The following ZMYM4 variants were observed in gnomAD, a reference collection of about 807,000 sequenced individuals.
The protein encoded by ZMYM4 is zinc finger MYM-type containing 4, also known as zinc finger MYM-type protein 4.
Under a neutral mutation model 183.2 loss-of-function variants are expected in ZMYM4, and 31 were observed. That is an observed-to-expected ratio of 0.17 (90% CI 0.13 to 0.23). The LOEUF is 0.23. Among genes scored for constraint, ZMYM4 ranks in the 10% least tolerant of loss-of-function variants. The pLI is 1.00. For synonymous variants in ZMYM4, 592 were observed against 631.2 expected (o/e 0.94, Z 0.93); for missense variants, 1,273 against 1,840.3 (o/e 0.69, Z 5.64).
intron 1 of ZMYM4, among the ~76,000 whole-genome samples, chr1:35,306,708 G>A (rs1641549122): frequency 6.6e-6 from 1 of 152,114 alleles, no homozygotes; most frequent in African/African-American, 2.4e-5. Flanking sequence ...TTAGTTTTAT[G>A]TCTTGTTTCT....
intron 1 of ZMYM4, among the ~76,000 whole-genome samples, chr1:35,317,355 C>A (rs1642092836): frequency 6.6e-6 from 1 of 150,578 alleles, no homozygotes; most frequent in Non-Finnish European, 1.5e-5. Context: ...ATCCCTTGAA[C>A]CCGGGAGGTG....
intron 23 of ZMYM4, among the ~76,000 whole-genome samples, chr1:35,402,594 G>A (rs1644929177): frequency 6.6e-6 from 1 of 151,968 alleles, no homozygotes; most frequent in African/African-American, 2.4e-5. Flanking sequence ...ACTCTAGTCT[G>A]GGCGACAGAG....
chr1:35,286,017 C>T lies in ZMYM4; in HGVS notation c.39+16932C>T, dbSNP rs138965723. Among the ~76,000 whole-genome samples the T allele has an allele frequency of 1.7e-3, 257 of 152,206 alleles. 2 individuals are homozygous for T. Among genetic ancestry groups the T allele is most frequent in the African/African-American group, 6.0e-3 (250 of 41,530 alleles). Reference sequence around the variant, plus strand: ...GATGCCTTCTTTCACCATGTCTATTCAGTGTAGTATTAGAAGTTCTAGCCA... The same window carrying T: ...GATGCCTTCTTTCACCATGTCTATTTAGTGTAGTATTAGAAGTTCTAGCCA... On this transcript the variant is annotated intron_variant, in intron 1 of 29. Coordinates refer to ENST00000314607, the MANE Select transcript of ZMYM4 (RefSeq NM_005095.3).
At chr1:35,354,902 A>G (rs1203828146) in intron 2 of ZMYM4, among the ~76,000 whole-genome samples, 1 of 152,004 alleles carries the variant, frequency 6.6e-6, no homozygotes, top group South Asian at 2.1e-4. Context: ...TAAGGGCCAG[A>G]TGGTAAATAT....
At position 35,297,906 on chromosome 1, in the gene ZMYM4, C is replaced by G. The variant is rs141854019; in HGVS notation, c.40-27454C>G. On this transcript the variant is annotated intron_variant, in intron 1 of 29. Coordinates refer to ENST00000314607, the MANE Select transcript of ZMYM4 (RefSeq NM_005095.3). ...CCAGTCCTGTATCAGAGGACAGAAA[C>G]CACACAGTAATTTGAATATGGAAAG... 8.5e-5 allele frequency among the ~76,000 whole-genome samples: 13 copies of G among 152,260 alleles called. 2 individuals are homozygous for G. The highest frequency in any genetic ancestry group is 2.6e-4 in the African/African-American group (11 of 41,548).
At chr1:35,394,727 G>A (rs997766960) in intron 18 of ZMYM4, among the ~76,000 whole-genome samples, 4 of 152,134 alleles carry the variant, frequency 2.6e-5, no homozygotes, top group South Asian at 4.1e-4. Context: ...AATTTCCCAA[G>A]AATTTAAATG....
intron 1 of ZMYM4, among the ~76,000 whole-genome samples, chr1:35,311,018 C>T (rs952935056): frequency 1.3e-5 from 2 of 152,110 alleles, no homozygotes; most frequent in Admixed American, 1.3e-4. Context: ...CTTCTATCAC[C>T]CCATTTTTGG....
intron 28 of ZMYM4, among the ~76,000 whole-genome samples, chr1:35,418,231 G>A (rs1640199703): frequency 2.0e-5 from 3 of 152,128 alleles, no homozygotes. Context: ...TAAAATTCAT[G>A]GGATAGGGAC....
intron 1 of ZMYM4, among the ~76,000 whole-genome samples, chr1:35,272,826 A>G (rs946038324): frequency 2.0e-5 from 3 of 152,130 alleles, no homozygotes; most frequent in Non-Finnish European, 4.4e-5. Flanking sequence ...CCTTCGCCTC[A>G]GCCTCCCGAG....
At chr1:35,354,714 G>C (rs544423908) in intron 2 of ZMYM4, among the ~76,000 whole-genome samples, 143 of 109,374 alleles carry the variant, frequency 1.3e-3, no homozygotes, top group African/African-American at 5.6e-3. Flanking sequence ...GCGACAGAGT[G>C]AAACTTTGTC....
At chr1:35,369,308 G>A (rs72897133) in intron 5 of ZMYM4, among the ~76,000 whole-genome samples, 21 of 152,262 alleles carry the variant, frequency 1.4e-4, no homozygotes, top group African/African-American at 5.1e-4. Context: ...CAGTTATATG[G>A]TGGTTACTCA....
intron 7 of ZMYM4, among the ~76,000 whole-genome samples, chr1:35,380,296 T>C (rs1644425390): frequency 6.6e-6 from 1 of 151,816 alleles, no homozygotes; most frequent in African/African-American, 2.4e-5. Flanking sequence ...AAATTGGTTT[T>C]TATTATTTAT....
chr1:35,386,947 A>T, intron 11 of ZMYM4, 56 bp from the exon 12 acceptor site: 1 of 1,545,374 alleles, frequency 6.5e-7, no homozygotes, highest in Admixed American at 1.9e-5. Flanking sequence ...GGCACACAAT[A>T]CTTCTTTGTT....
intron 5 of ZMYM4, among the ~76,000 whole-genome samples, chr1:35,363,886 A>G (rs1558085741): frequency 6.6e-6 from 1 of 152,152 alleles, no homozygotes; most frequent in Admixed American, 6.5e-5. Context: ...TCCTGCCCCA[A>G]TGTGGGCATG....
chr1:35,386,927 G>T, intron 11 of ZMYM4, 76 bp from the exon 12 acceptor site: 1 of 1,477,408 alleles, frequency 6.8e-7, no homozygotes, highest in Non-Finnish European at 9.1e-7. Flanking sequence ...AACGGTGCTT[G>T]GCATATGTAG....
intron 23 of ZMYM4, among the ~76,000 whole-genome samples, chr1:35,402,618 CAAA>C (rs1052994016): frequency 6.8e-6 from 1 of 147,070 alleles, no homozygotes; most frequent in African/African-American, 2.5e-5. Context: ...GACCCTGTCT[CAAA>C]AAAAAAGAAA....
At chr1:35,270,923 C>T (rs1039675144) in intron 1 of ZMYM4, among the ~76,000 whole-genome samples, 7 of 152,162 alleles carry the variant, frequency 4.6e-5, no homozygotes, top group Middle Eastern at 3.4e-3. Flanking sequence ...GATAAGTTTA[C>T]GAAATGTTGG....
At chr1:35,330,086 A>C (rs954086567) in intron 2 of ZMYM4, among the ~76,000 whole-genome samples, 5 of 151,956 alleles carry the variant, frequency 3.3e-5, no homozygotes, top group Non-Finnish European at 7.4e-5. Flanking sequence ...GTGGTGGTGC[A>C]TGCCTGTAGT....
At chr1:35,325,926 A>C (rs1045780993) in intron 2 of ZMYM4, among the ~76,000 whole-genome samples, 1 of 152,178 alleles carries the variant, frequency 6.6e-6, no homozygotes. Flanking sequence ...ATAGCTATAC[A>C]TGGTGTATGG....
Sources: allele counts gnomAD v4.1 joint callset (sites outside exome capture counted in the v4.1 genomes callset), GRCh38; gene constraint gnomAD v4.1.1; transcripts MANE v1.5; gene names NCBI Gene and HGNC (gene_info 2026-07-23, HGNC 2026-07-21).